RPF2: variants seen among roughly 807,000 people sequenced by gnomAD.
The protein encoded by RPF2 is brix domain containing 1.
RPF2 carries 21 observed loss-of-function variants against 38.9 expected under a neutral mutation model. The observed-to-expected ratio is 0.54, with a 90% CI of 0.38 to 0.78. RPF2 has a LOEUF of 0.78. Ranked by LOEUF, RPF2 falls within the 30% of genes least tolerant of loss-of-function variation. The pLI is 0.00. For synonymous variants in RPF2, 121 were observed against 126.2 expected, an observed-to-expected ratio of 0.96 and a Z score of 0.28; for missense variants, 314 against 358.1, an observed-to-expected ratio of 0.88 and a Z score of 0.99.
chr6:110,994,338 G>A, intron 4 of RPF2, among the ~76,000 whole-genome samples: 1 of 151,740 alleles, frequency 6.6e-6, no homozygotes. Flanking sequence ...TAATCCCGTT[G>A]TTTTGGTAGG....
chr6:111,022,138 T>C (rs1583276869), intron 8 of RPF2, among the ~76,000 whole-genome samples: 1 of 152,190 alleles, frequency 6.6e-6, no homozygotes, highest in South Asian at 2.1e-4. Flanking sequence ...TGGTTAGGCC[T>C]TATGGGGGGA....
chr6:110,994,797 A>C (rs1470868109), intron 4 of RPF2, among the ~76,000 whole-genome samples: 3 of 151,222 alleles, frequency 2.0e-5, no homozygotes, highest in African/African-American at 7.3e-5. Context: ...AAAACACTCA[A>C]GTATATATGA....
intron 1 of RPF2, 181 bp downstream of exon 1, chr6:110,982,310 G>A: frequency 1.5e-6 from 1 of 665,778 alleles, no homozygotes; most frequent in South Asian, 1.8e-5. Flanking sequence ...CAGTGGGGAA[G>A]CTCTCAAGTG....
chr6:110,997,102 GAAGGTAAGATTTTTA>G (rs1391469463), intron 4 of RPF2, 66 bp from the exon 5 acceptor site: 1 of 892,644 alleles, frequency 1.1e-6, no homozygotes, highest in Admixed American at 2.1e-5. Flanking sequence ...TGCCTGGCCT[GAAGGTAAGATTTTTA>G]AAGGTAAGAT....
rs1178676724 is a variant in RPF2 at position 111,026,729 on chromosome 6, A to G, written c.*1147A>G. 6.6e-6 allele frequency: 1 copy of G among 152,192 alleles called. No individual in the cohort carries two copies. The highest frequency in any genetic ancestry group is 1.5e-5 in the Non-Finnish European group (1 of 68,036). 9.4% of individuals were successfully genotyped at this position (152,192 alleles called of 1,614,324 possible). A position where few individuals can be genotyped will look rare whatever the true frequency, so the allele number is the denominator to read the frequency against. ...AAACAGAAGCTTTCTTCTTCCTTCTACTAGTATTGCATACTTGTTTTTCTG... is the reference window on the plus strand; with the variant it reads ...AAACAGAAGCTTTCTTCTTCCTTCTGCTAGTATTGCATACTTGTTTTTCTG... On this transcript the variant is annotated 3_prime_UTR_variant, in exon 10 of 10. Coordinates refer to ENST00000441448, the MANE Select transcript of RPF2 (RefSeq NM_032194.3).
At chr6:110,982,215 T>C in intron 1 of RPF2, 86 bp downstream of exon 1, 2 of 1,458,164 alleles carry the variant, frequency 1.4e-6, no homozygotes, top group Non-Finnish European at 1.9e-6. Flanking sequence ...CTCTCACTCT[T>C]CCTGGTTACC....
chr6:111,021,284 GA>G (rs1318744506), intron 8 of RPF2, among the ~76,000 whole-genome samples: 1 of 152,180 alleles, frequency 6.6e-6, no homozygotes, highest in South Asian at 2.1e-4. Flanking sequence ...CTTTCATAAT[GA>G]AAAAAAGTTT....
chr6:110,989,066 G>T lies in RPF2; in HGVS notation c.194+1G>T. On this transcript the variant is annotated splice_donor_variant, in intron 3 of 9. Transcript: ENST00000441448. LOFTEE classifies it high-confidence loss of function. ...AACCATACGGTGTACTATATAAAAA[G>T]TAAGTCATGATTTCTTTTACTGTAT... The T allele has an allele frequency of 1.3e-6, 2 of 1,554,644 alleles. No homozygotes were observed. Among genetic ancestry groups the T allele is most frequent in the East Asian group, 2.4e-5 (1 of 41,706 alleles).
At position 110,985,145 on chromosome 6, in the gene RPF2, A is replaced by G. The variant is rs770002290; in HGVS notation, c.156+7A>G. 1.2e-5 allele frequency: 19 copies of G among 1,604,272 alleles called. No individual in the cohort carries two copies. The highest frequency in any genetic ancestry group is 1.7e-6 in the Non-Finnish European group (2 of 1,175,260). On this transcript the variant is annotated splice_region_variant and intron_variant, in intron 2 of 9. Coordinates refer to ENST00000441448, the MANE Select transcript of RPF2 (RefSeq NM_032194.3). Reference sequence around the variant, plus strand: ...AAAAGTACTTAAAGATGTGGTAAGTATATATACTTAATCTTTAAAAGGTAT... The same window carrying G: ...AAAAGTACTTAAAGATGTGGTAAGTGTATATACTTAATCTTTAAAAGGTAT...
chr6:111,007,774 G>T (rs1435581796), intron 6 of RPF2, among the ~76,000 whole-genome samples: 1 of 151,844 alleles, frequency 6.6e-6, no homozygotes, highest in Non-Finnish European at 1.5e-5. Context: ...ATGAAACCCA[G>T]TCTGTAAGAA....
intron 8 of RPF2, among the ~76,000 whole-genome samples, chr6:111,017,392 C>T (rs1326596392): frequency 4.1e-5 from 4 of 98,458 alleles, no homozygotes; most frequent in South Asian, 4.4e-4. Context: ...GGCTGCCAGG[C>T]GGAGACGCTC....
rs184204230 is a variant in RPF2, at chr6:111,009,891, C to T, written c.493+1754C>T. On this transcript the variant is annotated intron_variant, in intron 7 of 9. Transcript: ENST00000441448. ...GTCTCACTGTGTTGCCCAGGCTGGT[C>T]TTGAACTTCAGGGCTTAAGCAATCC... is the stretch of plus-strand genomic sequence containing the variant. Among the ~76,000 whole-genome samples the T allele has an allele frequency of 5.3e-5, 8 of 152,122 alleles. No homozygotes were observed. The East Asian group carries it at 1.6e-3, about 29-fold the overall frequency.
chr6:110,987,434 A>C (rs1771542828), intron 2 of RPF2, among the ~76,000 whole-genome samples: 1 of 152,302 alleles, frequency 6.6e-6, no homozygotes. Flanking sequence ...TGCCTTATAT[A>C]GGCCCATCCC....
intron 6 of RPF2, among the ~76,000 whole-genome samples, chr6:111,005,646 T>C (rs1232260147): frequency 6.6e-6 from 1 of 152,156 alleles, no homozygotes; most frequent in Non-Finnish European, 1.5e-5. Flanking sequence ...ATTTATTTAT[T>C]GTTTTGAGGG....
intron 6 of RPF2, among the ~76,000 whole-genome samples, chr6:111,005,521 A>G (rs9374239): frequency 0.13 from 19,647 of 152,174 alleles, 1,736 homozygotes; most frequent in East Asian, 0.49. Flanking sequence ...TTATAGTAAG[A>G]GTTTCAACAT....
rs776803071 is a variant in RPF2, at chr6:111,024,135, A to G, written c.597-48A>G. On this transcript the variant is annotated intron_variant, in intron 8 of 9. Coordinates refer to ENST00000441448, the MANE Select transcript of RPF2 (RefSeq NM_032194.3). ...GAACAAAAAATATTTGGTGGAGAGG[A>G]CTTTTATGAAAGTCAAAGCAACATT... is the stretch of plus-strand genomic sequence containing the variant. 5 of 1,507,788 alleles carry G rather than the reference A, an allele frequency of 3.3e-6. No homozygotes were observed. In the Admixed American group the frequency reaches 6.7e-5, roughly 20 times the overall value. The allele number at this position is 1,507,788 out of a possible 1,614,324, so 93.4% of individuals were successfully genotyped here.
At chr6:110,994,860 T>C (rs1004844824) in intron 4 of RPF2, among the ~76,000 whole-genome samples, 2 of 151,932 alleles carry the variant, frequency 1.3e-5, no homozygotes, top group Admixed American at 6.6e-5. Flanking sequence ...AAAATGTTTT[T>C]AAAATTTTAA....
intron 7 of RPF2, among the ~76,000 whole-genome samples, chr6:111,009,264 C>T (rs1391203473): frequency 1.3e-5 from 2 of 152,108 alleles, no homozygotes; most frequent in Admixed American, 1.3e-4. Context: ...CTGTGTTAGC[C>T]AGGATGGTCT....
intron 4 of RPF2, 23 bp from the exon 5 acceptor site, chr6:110,997,160 A>G (rs1172918682): frequency 1.4e-6 from 2 of 1,414,702 alleles, no homozygotes; most frequent in Admixed American, 1.7e-5. Context: ...CATGGACTAA[A>G]TGGGATTTAT....
Sources: allele counts gnomAD v4.1 joint callset (sites outside exome capture counted in the v4.1 genomes callset), GRCh38; gene constraint gnomAD v4.1.1; transcripts MANE v1.5; gene names NCBI Gene and HGNC (gene_info 2026-07-23, HGNC 2026-07-21).